Variants in CFAP221 observed in about 807,000 individuals in gnomAD.
The protein encoded by CFAP221 is cilia- and flagella-associated protein 221.
Under a neutral mutation model 113.1 loss-of-function variants are expected in CFAP221, and 97 were observed. The ratio of observed to expected loss-of-function variants is 0.86; its 90% confidence interval spans 0.73 to 1.02. CFAP221 has a LOEUF of 1.02. Among genes scored for constraint, CFAP221 ranks in the 50% least tolerant of loss-of-function variants. The probability of loss-of-function intolerance (pLI) is 0.00; values close to 1 mark genes in which losing one functional copy is unlikely to be tolerated. For synonymous variants in CFAP221, 331 were observed against 354.4 expected, an observed-to-expected ratio of 0.93 and a Z score of 0.74; for missense variants, 1,025 against 1,013.4, an observed-to-expected ratio of 1.01 and a Z score of -0.16.
At chr2:119,600,903 T>A (rs1558949097) in intron 7 of CFAP221, among the ~76,000 whole-genome samples, 1 of 152,238 alleles carries the variant, frequency 6.6e-6, no homozygotes, top group Admixed American at 6.5e-5. Context: ...ACTTAATGAA[T>A]AACAAATATA....
At chr2:119,548,312 CT>C (rs1680190595) in intron 2 of CFAP221, among the ~76,000 whole-genome samples, 1 of 152,140 alleles carries the variant, frequency 6.6e-6, no homozygotes, top group African/African-American at 2.4e-5. Context: ...CTTGCTAAGT[CT>C]TACCTCCTTC....
At chr2:119,618,472 G>A (rs1685675705) in intron 14 of CFAP221, among the ~76,000 whole-genome samples, 2 of 152,130 alleles carry the variant, frequency 1.3e-5, no homozygotes, top group African/African-American at 4.8e-5. Context: ...CCTCACCCAG[G>A]AAATGCAAGG....
intron 19 of CFAP221, among the ~76,000 whole-genome samples, chr2:119,635,390 C>T (rs998918516): frequency 2.0e-5 from 3 of 152,078 alleles, no homozygotes; most frequent in Non-Finnish European, 4.4e-5. Context: ...ACATATAAAT[C>T]TTGGGTAAAA....
rs70949303 is a variant in CFAP221 at position 119,628,294 on chromosome 2, G to GGTGTGTGTGT, written c.1650+539_1650+548dup. On this transcript the variant is annotated intron_variant, in intron 16 of 23. Transcript: ENST00000413369. ...CTTCTCTCTCTCTCTCTCTCTGGGG[G>GGTGTGTGTGT]GTGTGTGTGTGTGTGTGTGTGTGTG... 4.8e-3 allele frequency among the ~76,000 whole-genome samples: 664 copies of GGTGTGTGTGT among 137,578 alleles called. 7 individuals are homozygous for GGTGTGTGTGT. Among genetic ancestry groups the GGTGTGTGTGT allele is most frequent in the East Asian group, 0.014 (61 of 4,506 alleles). The allele number at this position is 137,578 out of a possible 152,430, so 90.3% of individuals were successfully genotyped here.
At chr2:119,638,141 T>C (rs1389966151) in intron 19 of CFAP221, 118 bp from the exon 20 acceptor site, 8 of 1,010,570 alleles carry the variant, frequency 7.9e-6, no homozygotes, top group Non-Finnish European at 1.2e-5. Flanking sequence ...CAAGCTGACA[T>C]GGAGTCACAG....
At chr2:119,579,467 A>T (rs967811372) in intron 6 of CFAP221, among the ~76,000 whole-genome samples, 1 of 152,198 alleles carries the variant, frequency 6.6e-6, no homozygotes, top group Non-Finnish European at 1.5e-5. Flanking sequence ...ATTCCTTTTG[A>T]CTCAAATTCA....
chr2:119,638,926 T>C (rs960328647), intron 20 of CFAP221, among the ~76,000 whole-genome samples: 13 of 152,114 alleles, frequency 8.5e-5, no homozygotes, highest in Admixed American at 3.3e-4. Context: ...ACTCAGATTA[T>C]GAGCTCTCTC....
chr2:119,624,779 C>T (rs1686177479), intron 14 of CFAP221, among the ~76,000 whole-genome samples: 1 of 152,040 alleles, frequency 6.6e-6, no homozygotes, highest in South Asian at 2.1e-4. Context: ...AACAGAAAAC[C>T]AAACACCGCA....
intron 8 of CFAP221, chr2:119,602,775 G>C (rs1313221072): frequency 1.0e-6 from 1 of 985,224 alleles, no homozygotes; most frequent in East Asian, 1.1e-4. Context: ...GAGCAAAATG[G>C]TGTTTGCCAC....
chr2:119,593,757 G>A (rs563479175), intron 7 of CFAP221, among the ~76,000 whole-genome samples: 1 of 152,106 alleles, frequency 6.6e-6, no homozygotes, highest in African/African-American at 2.4e-5. Flanking sequence ...AGAATGGCGT[G>A]AACCTGGGAG....
chr2:119,659,131 C>T (rs1688539545), downstream of CFAP221, among the ~76,000 whole-genome samples: 1 of 152,184 alleles, frequency 6.6e-6, no homozygotes, highest in South Asian at 2.1e-4. Flanking sequence ...AGCTTAGCTC[C>T]CATCATCTAC....
intron 3 of CFAP221, among the ~76,000 whole-genome samples, chr2:119,557,958 CAAA>C (rs11286852): frequency 4.2e-4 from 44 of 104,000 alleles, no homozygotes; most frequent in South Asian, 9.6e-4. Flanking sequence ...GACTCCGTCT[CAAA>C]AAAAAAAAAA....
intron 6 of CFAP221, among the ~76,000 whole-genome samples, chr2:119,579,291 C>T (rs1574048257): frequency 6.6e-6 from 1 of 151,356 alleles, no homozygotes; most frequent in South Asian, 2.1e-4. Flanking sequence ...ATAACAGGCA[C>T]GAGATATATA....
Position 119,629,454 on chromosome 2 carries a change from C to T in CFAP221, c.1651-421C>T, listed in dbSNP as rs527384598. The stretch of plus-strand genomic sequence containing the variant: ...GCATGTTTCCCGTGGCTTCAACCTG[C>T]CATGGAGGTGAGCTGCCTGGGAGGA... On this transcript the variant is annotated intron_variant, in intron 16 of 23. Transcript: ENST00000413369. 2.7e-4 allele frequency among the ~76,000 whole-genome samples: 41 copies of T among 152,290 alleles called. No individual in the cohort carries two copies. The East Asian group carries it at 7.0e-3, about 26-fold the overall frequency.
intron 3 of CFAP221, chr2:119,556,221 C>T (rs1385312051): frequency 6.6e-6 from 1 of 152,356 alleles, no homozygotes; most frequent in African/African-American, 2.4e-5. Context: ...CTCCGCCTCC[C>T]AAGTAGCTGG....
chr2:119,656,697 C>T (rs545954687), downstream of CFAP221: 104 of 332,764 alleles, frequency 3.1e-4, no homozygotes, highest in South Asian at 1.1e-3. Flanking sequence ...TGTTTAGTGC[C>T]GGAATGCTTC....
At chr2:119,587,887 A>C (rs980108174) in intron 7 of CFAP221, among the ~76,000 whole-genome samples, 1 of 152,240 alleles carries the variant, frequency 6.6e-6, no homozygotes, top group African/African-American at 2.4e-5. Flanking sequence ...TTTGTCCAAC[A>C]AATGAGTGTT....
rs374207064 is a variant in CFAP221, at chr2:119,639,871, A to T, written c.2224A>T (p.Ser742Cys). ...PDPSKMETTK[S>C]CDSFNSFMLP... ...CCCCTCCAAGATGGAGACCACAAAGAGGTAAGCACAGCTCATCTGTTTGCT... is the reference window on the plus strand; with the variant it reads ...CCCCTCCAAGATGGAGACCACAAAGTGGTAAGCACAGCTCATCTGTTTGCT... The change falls in exon 21 of 24, where the codon AGC (serine) becomes TGC (cysteine). Residue 742 changes from serine (S) to cysteine (C), a missense_variant and splice_region_variant. Ser to Cys is a moderately radical substitution (Grantham distance 112, BLOSUM62 -1). Coordinates refer to ENST00000413369, the MANE Select transcript of CFAP221 (RefSeq NM_001271049.2). 7.4e-5 allele frequency: 119 copies of T among 1,612,428 alleles called. No homozygotes were observed. Among genetic ancestry groups the T allele is most frequent in the Non-Finnish European group, 8.9e-5 (105 of 1,178,562 alleles).
At chr2:119,544,742 G>C (rs1254657541) in intron 1 of CFAP221, among the ~76,000 whole-genome samples, 2 of 152,190 alleles carry the variant, frequency 1.3e-5, no homozygotes, top group African/African-American at 4.8e-5. Context: ...TCGCGGAGGG[G>C]AGGAGGCGCT....
Sources: gnomAD v4.1 joint callset for allele counts (sites outside exome capture counted in the v4.1 genomes callset) on GRCh38, gnomAD v4.1.1 for gene constraint, MANE v1.5 for transcripts, NCBI Gene and HGNC (gene_info 2026-07-23, HGNC 2026-07-21) for gene names.